KAZN: variants seen among roughly 807,000 people sequenced by gnomAD.
KAZN encodes the protein kazrin.
In KAZN, 40 loss-of-function variants were observed where a neutral mutation model predicts 87.4. That is an observed-to-expected ratio of 0.46 (90% CI 0.36 to 0.60). KAZN has a LOEUF of 0.60. Among genes scored for constraint, KAZN ranks in the 20% least tolerant of loss-of-function variants. The pLI is 0.00. For synonymous variants in KAZN, 466 were observed against 458.3 expected (o/e 1.02, Z -0.22); for missense variants, 898 against 1,073.9 (o/e 0.84, Z 2.29).
chr1:15,095,991 G>A (rs983400557), intron 10 of KAZN, among the ~76,000 whole-genome samples: 8 of 152,182 alleles, frequency 5.3e-5, no homozygotes, highest in Non-Finnish European at 1.2e-4. Flanking sequence ...CTGAGACAGG[G>A]CTGGGCTGAG....
chr1:14,150,270 G>A (rs1253705709), intron 1 of KAZN, among the ~76,000 whole-genome samples: 1 of 152,186 alleles, frequency 6.6e-6, no homozygotes, highest in Non-Finnish European at 1.5e-5. Context: ...TCACTACCAT[G>A]AATAGCTTAG....
At chr1:14,010,398 A>T (rs1640239597) in intron 1 of KAZN, among the ~76,000 whole-genome samples, 1 of 152,200 alleles carries the variant, frequency 6.6e-6, no homozygotes. Flanking sequence ...TGAAACTGTA[A>T]CGTATCATTT....
intron 1 of KAZN, among the ~76,000 whole-genome samples, chr1:14,738,596 A>C (rs1255219238): frequency 1.3e-5 from 2 of 152,046 alleles, no homozygotes; most frequent in African/African-American, 4.8e-5. Flanking sequence ...TTGAGCTCAG[A>C]CTTTATGCAC....
At chr1:14,903,546 A>T (rs1027638504) in intron 1 of KAZN, among the ~76,000 whole-genome samples, 1 of 152,114 alleles carries the variant, frequency 6.6e-6, no homozygotes, top group Non-Finnish European at 1.5e-5. Flanking sequence ...TCCTTAGTAC[A>T]TTTGCCAGAT....
At chr1:14,287,467 T>C (rs1653343796) in intron 2 of KAZN, among the ~76,000 whole-genome samples, 1 of 152,222 alleles carries the variant, frequency 6.6e-6, no homozygotes, top group Non-Finnish European at 1.5e-5. Context: ...TCACTCATGA[T>C]TTGGCTCTCT....
At chr1:13,894,190 GC>G (rs1385863238) in intron 1 of KAZN, among the ~76,000 whole-genome samples, 1 of 152,146 alleles carries the variant, frequency 6.6e-6, no homozygotes, top group African/African-American at 2.4e-5. Context: ...TGCCCCCCCA[GC>G]CCCTGCTGGA....
chr1:14,146,662 C>T (rs2101785544), intron 1 of KAZN, among the ~76,000 whole-genome samples: 1 of 146,810 alleles, frequency 6.8e-6, no homozygotes, highest in East Asian at 2.0e-4. Context: ...GATAATTTGG[C>T]TGGGAATGAA....
chr1:14,342,303 A>C (rs1319583363), intron 2 of KAZN, among the ~76,000 whole-genome samples: 1 of 152,204 alleles, frequency 6.6e-6, no homozygotes, highest in African/African-American at 2.4e-5. Context: ...ACATACATGT[A>C]CATGTGCCTT....
At chr1:13,948,641 G>A (rs891254741) in intron 1 of KAZN, among the ~76,000 whole-genome samples, 1 of 152,264 alleles carries the variant, frequency 6.6e-6, no homozygotes, top group Admixed American at 6.5e-5. Flanking sequence ...GAGATCCAGT[G>A]TTGGCTTCTT....
intron 1 of KAZN, among the ~76,000 whole-genome samples, chr1:14,825,107 C>T (rs1425890698): frequency 6.6e-6 from 1 of 152,262 alleles, no homozygotes; most frequent in Non-Finnish European, 1.5e-5. Context: ...CAGGCCTAAA[C>T]AGGGAATTTC....
chr1:13,935,233 G>T (rs1390611087), intron 1 of KAZN, among the ~76,000 whole-genome samples: 1 of 59,050 alleles, frequency 1.7e-5, no homozygotes, highest in African/African-American at 6.4e-5. Flanking sequence ...GCGAAACTCC[G>T]TATCAAATAG....
chr1:14,570,338 T>G (rs2148543803), intron 2 of KAZN, among the ~76,000 whole-genome samples: 1 of 152,278 alleles, frequency 6.6e-6, no homozygotes, highest in Admixed American at 6.5e-5. Context: ...ACTCACTAAT[T>G]TCAGAACATT....
At chr1:14,651,935 T>C (rs1638405841) in intron 1 of KAZN, among the ~76,000 whole-genome samples, 1 of 152,240 alleles carries the variant, frequency 6.6e-6, no homozygotes, top group Non-Finnish European at 1.5e-5. Flanking sequence ...CCTTTTGGGA[T>C]GGAAATAGTC....
At chr1:14,584,374 A>C (rs180945443) in intron 2 of KAZN, among the ~76,000 whole-genome samples, 2 of 152,294 alleles carry the variant, frequency 1.3e-5, no homozygotes, top group East Asian at 3.9e-4. Context: ...CTCTGGGTGG[A>C]GAAAGGCCAG....
At chr1:14,640,904 C>T (rs1680364060) in intron 1 of KAZN, among the ~76,000 whole-genome samples, 1 of 152,204 alleles carries the variant, frequency 6.6e-6, no homozygotes, top group Non-Finnish European at 1.5e-5. Flanking sequence ...GAGTCTCTTG[C>T]ACTTCCACCA....
At chr1:14,537,493 G>A (rs1325125589) in intron 2 of KAZN, among the ~76,000 whole-genome samples, 13 of 152,238 alleles carry the variant, frequency 8.5e-5, no homozygotes, top group Admixed American at 8.5e-4. Flanking sequence ...GACTTAGTCT[G>A]ATGGGCACTA....
At chr1:14,703,106 G>A (rs771860981) in intron 1 of KAZN, among the ~76,000 whole-genome samples, 1 of 152,176 alleles carries the variant, frequency 6.6e-6, no homozygotes, top group African/African-American at 2.4e-5. Context: ...AGTAGGGCAA[G>A]GATTTGAATT....
intron 1 of KAZN, among the ~76,000 whole-genome samples, chr1:14,070,167 C>CGAAAAAAAAAAAAAAAA (rs1643188933): frequency 1.4e-5 from 1 of 72,914 alleles, no homozygotes; most frequent in Non-Finnish European, 2.6e-5. Context: ...GACTCCATCT[C>CGAAAAAAAAAAAAAAAA]AAAAAAAAAA....
In KAZN at chr1:14,599,141, G is replaced by C; in HGVS notation, c.144G>C (p.Pro48=). The C allele has an allele frequency of 1.4e-6, 2 of 1,443,614 alleles. No homozygotes were observed. The highest frequency in any genetic ancestry group is 1.8e-6 in the Non-Finnish European group (2 of 1,103,602). The allele number at this position is 1,443,614 out of a possible 1,614,324, so 89.4% of individuals were successfully genotyped here. A position where few individuals can be genotyped will look rare whatever the true frequency, so the allele number is the denominator to read the frequency against. Residue 48 remains proline (P), a synonymous_variant, in exon 1 of 15, where the codon CCG becomes CCC. Transcript: ENST00000376030. The surrounding 1 kb of genome is among the most constrained non-coding windows in gnomAD (Gnocchi z 4.4). The part of the protein sequence containing the change: ...AELSGGGGPG[P]GPGAAASASA... Reference sequence around the variant, plus strand: ...TGAGCGGCGGCGGCGGCCCCGGCCCGGGCCCGGGAGCCGCGGCCAGCGCCT... The same window carrying C: ...TGAGCGGCGGCGGCGGCCCCGGCCCCGGCCCGGGAGCCGCGGCCAGCGCCT...
Sources: allele counts gnomAD v4.1 joint callset (sites outside exome capture counted in the v4.1 genomes callset), GRCh38; gene constraint gnomAD v4.1.1; non-coding constraint Gnocchi (gnomAD v3.1); transcripts MANE v1.5; gene names NCBI Gene and HGNC (gene_info 2026-07-23, HGNC 2026-07-21).